The following DPP6 variants were observed in gnomAD, a reference collection of about 807,000 sequenced individuals.
DPP6 encodes A-type potassium channel modulatory protein DPP6.
Under a neutral mutation model 122.6 loss-of-function variants are expected in DPP6, and 69 were observed. The observed-to-expected ratio is 0.56, with a 90% confidence interval of 0.46 to 0.69. The LOEUF is 0.69. Among genes scored for constraint, DPP6 ranks in the 30% least tolerant of loss-of-function variants. The pLI is 0.00. For synonymous variants in DPP6, 418 were observed against 433.1 expected (o/e 0.97, Z 0.43); for missense variants, 928 against 1,116.9 (o/e 0.83, Z 2.41).
chr7:154,061,794 G>A (rs12671519), intron 1 of DPP6, among the ~76,000 whole-genome samples: 2,142 of 122,396 alleles, frequency 0.018, 39 homozygotes, highest in African/African-American at 0.039. Context: ...GGCACCCCTC[G>A]CGACGCGGGG....
intron 1 of DPP6, among the ~76,000 whole-genome samples, chr7:154,240,943 T>C (rs536969049): frequency 6.6e-6 from 1 of 152,324 alleles, no homozygotes; most frequent in South Asian, 2.1e-4. Flanking sequence ...ATTTTCATGA[T>C]TTATTGGTGG....
chr7:154,739,156 T>C (rs1586991053), intron 8 of DPP6, among the ~76,000 whole-genome samples: 2 of 152,284 alleles, frequency 1.3e-5, no homozygotes, highest in East Asian at 3.9e-4. Flanking sequence ...TGACTCATTG[T>C]CCAGAACACC....
chr7:154,152,656 C>T lies in DPP6; in HGVS notation c.243+99593C>T, dbSNP rs138423849. ...CGGCAAAACCTCTTAACTTCAGTTC[C>T]CTCATCTATAAGAATAAGGGATTCA... On this transcript the variant is annotated intron_variant, in intron 1 of 25. Coordinates refer to ENST00000377770, the MANE Select transcript of DPP6 (RefSeq NM_130797.4). Among the ~76,000 whole-genome samples the T allele has an allele frequency of 6.5e-3, 992 of 152,246 alleles. 6 individuals carry two copies. The highest frequency in any genetic ancestry group is 0.021 in the African/African-American group (873 of 41,556).
intron 16 of DPP6, among the ~76,000 whole-genome samples, chr7:154,836,452 G>A (rs568197624): frequency 1.4e-4 from 21 of 152,302 alleles, no homozygotes; most frequent in African/African-American, 5.1e-4. Flanking sequence ...TTCACAACAC[G>A]GTTATTAAAG....
chr7:154,137,650 TGGGGGGGTGGGGG>T (rs1795629385), intron 1 of DPP6, among the ~76,000 whole-genome samples: 1 of 10,064 alleles, frequency 9.9e-5, no homozygotes, highest in Non-Finnish European at 2.1e-4. Context: ...GTGGGGGGGG[TGGGGGGGTGGGGG>T]GGGTGGGGCG....
chr7:154,750,366 G>A (rs1299355568), intron 8 of DPP6, among the ~76,000 whole-genome samples: 4 of 152,262 alleles, frequency 2.6e-5, no homozygotes, highest in Admixed American at 1.3e-4. Flanking sequence ...CACCGTGAGG[G>A]CCGCCTGTGC....
intron 4 of DPP6, among the ~76,000 whole-genome samples, chr7:154,548,549 G>C (rs115960183): frequency 0.013 from 1,919 of 150,882 alleles, 36 homozygotes; most frequent in East Asian, 0.069. Flanking sequence ...AAAAAATTCT[G>C]AAAAGCAGTA....
rs1830556797 is a variant in DPP6, at chr7:154,563,502, G to A, written c.553-3340G>A. ...GGTAGAAGGCCACTGCAGTACCTCA[G>A]GAAAGAATGCACATACCTTAGACAA... On this transcript the variant is annotated intron_variant, in intron 4 of 25. Coordinates refer to ENST00000377770, the MANE Select transcript of DPP6 (RefSeq NM_130797.4). Among the ~76,000 whole-genome samples the A allele has an allele frequency of 2.6e-5, 4 of 152,216 alleles. No individual in the cohort carries two copies. In the South Asian group the frequency reaches 8.3e-4, roughly 32 times the overall value.
intron 1 of DPP6, among the ~76,000 whole-genome samples, chr7:154,315,723 G>A (rs961221719): frequency 6.6e-6 from 1 of 152,100 alleles, no homozygotes; most frequent in Non-Finnish European, 1.5e-5. Flanking sequence ...GGTAGGTAAT[G>A]GACCGTGATC....
intron 3 of DPP6, among the ~76,000 whole-genome samples, chr7:154,480,290 A>G (rs926004016): frequency 6.6e-6 from 1 of 152,038 alleles, no homozygotes; most frequent in African/African-American, 2.4e-5. Context: ...GCAGTCTTCT[A>G]TCTGTAACAT....
Position 154,484,962 on chromosome 7 carries a change from G to GT in DPP6, c.457+9935dup, listed in dbSNP as rs34219885. Among the ~76,000 whole-genome samples the GT allele has an allele frequency of 5.3e-3, 801 of 150,686 alleles. 3 individuals are homozygous for GT. Among genetic ancestry groups the GT allele is most frequent in the Admixed American group, 0.01 (154 of 15,122 alleles). The stretch of plus-strand genomic sequence containing the variant: ...TTTGTTATGCTGAAAAAACAGATGG[G>GT]TTTTTTTTTTAAATAAAGCTTATGG... On this transcript the variant is annotated intron_variant, in intron 3 of 25. Transcript: ENST00000377770.
At chr7:154,330,822 T>C (rs539471483) in intron 1 of DPP6, among the ~76,000 whole-genome samples, 51 of 152,264 alleles carry the variant, frequency 3.3e-4, no homozygotes, top group South Asian at 3.3e-3. Context: ...GTTGGACAAA[T>C]GCATCTACCT....
chr7:154,737,492 A>AT (rs774800245), intron 8 of DPP6, among the ~76,000 whole-genome samples: 3 of 151,882 alleles, frequency 2.0e-5, no homozygotes, highest in Admixed American at 2.0e-4. Context: ...TCACACTGTT[A>AT]TTTTTTTCTT....
intron 1 of DPP6, among the ~76,000 whole-genome samples, chr7:153,897,127 G>T (rs1178661427): frequency 1.3e-5 from 2 of 152,176 alleles, no homozygotes; most frequent in Non-Finnish European, 2.9e-5. Context: ...CATTGTGTTG[G>T]AAAGACAGAT....
intron 2 of DPP6, among the ~76,000 whole-genome samples, chr7:154,463,635 AC>A (rs1171744340): frequency 6.6e-6 from 1 of 152,076 alleles, no homozygotes; most frequent in Non-Finnish European, 1.5e-5. Flanking sequence ...CTGCCTGAGT[AC>A]CACTGCTACT....
At chr7:154,436,968 C>T (rs1013920212) in intron 1 of DPP6, among the ~76,000 whole-genome samples, 4 of 152,148 alleles carry the variant, frequency 2.6e-5, no homozygotes, top group African/African-American at 7.2e-5. Context: ...GAGGTTCATT[C>T]ATGCTGTGCA....
chr7:154,359,913 C>A (rs1811586189), intron 1 of DPP6, among the ~76,000 whole-genome samples: 1 of 152,102 alleles, frequency 6.6e-6, no homozygotes, highest in Non-Finnish European at 1.5e-5. Flanking sequence ...GTCTAGAACG[C>A]CGTAGGAAGG....
At chr7:154,510,989 G>A (rs1586498438) in intron 3 of DPP6, among the ~76,000 whole-genome samples, 2 of 150,326 alleles carry the variant, frequency 1.3e-5, no homozygotes. Flanking sequence ...GAGAGAGCAA[G>A]GAAAAGATAG....
rs1358907640 is a variant in DPP6 at position 154,190,791 on chromosome 7, A to C, written c.243+137728A>C. 2.0e-5 allele frequency among the ~76,000 whole-genome samples: 3 copies of C among 152,290 alleles called. No homozygotes were observed. The East Asian group carries it at 5.8e-4, about 29-fold the overall frequency. ...TCTGGCAAGAGCTGTTACTTCTTAA[A>C]GCAAAAAGGGCATTGAATAGGTTTT... On this transcript the variant is annotated intron_variant, in intron 1 of 25. Coordinates refer to ENST00000377770, the MANE Select transcript of DPP6 (RefSeq NM_130797.4).
Sources: gnomAD v4.1 joint callset for allele counts (sites outside exome capture counted in the v4.1 genomes callset) on GRCh38, gnomAD v4.1.1 for gene constraint, MANE v1.5 for transcripts, NCBI Gene and HGNC (gene_info 2026-07-23, HGNC 2026-07-21) for gene names.